NTRK1: variants seen among roughly 807,000 people sequenced by gnomAD.
NTRK1 encodes the protein neurotrophic receptor tyrosine kinase 1.
NTRK1 carries 62 observed loss-of-function variants against 86.8 expected under a neutral mutation model. The ratio of observed to expected loss-of-function variants is 0.71; its 90% CI spans 0.58 to 0.88. The LOEUF (loss-of-function observed/expected upper bound fraction) is 0.88, where lower values mean the gene tolerates loss of function less well. Ranked by LOEUF, NTRK1 falls within the 40% of genes least tolerant of loss-of-function variation. NTRK1 has a pLI of 0.00. For missense variants in NTRK1, 967 were observed against 1,078.4 expected (o/e 0.90, Z 1.45); for synonymous variants, 469 against 456.6 (o/e 1.03, Z -0.35).
At position 156,861,044 on chromosome 1, in the gene NTRK1, C is replaced by T. The variant is rs1655620386; in HGVS notation, c.110C>T (p.Pro37Leu). 1.3e-6 allele frequency: 2 copies of T among 1,554,982 alleles called. No individual in the cohort carries two copies. The highest frequency in any genetic ancestry group is 8.7e-7 in the Non-Finnish European group (1 of 1,155,158). ...GCATCTGCGGGCGCCGCACCCTGCC[C>T]CGATGCCTGCTGCCCCCACGGCTCC... ...ILASAGAAPC[P>L]DACCPHGSSG... Residue 37 changes from proline (P) to leucine (L), a missense_variant, in exon 1 of 17, where the codon CCC becomes CTC. By Grantham distance (98) the Pro-to-Leu change is moderately conservative (BLOSUM62 -3). Coordinates refer to ENST00000524377, the MANE Select transcript of NTRK1 (RefSeq NM_002529.4).
chr1:156,866,918 C>T lies in NTRK1; in HGVS notation c.368C>T (p.Ser123Phe). 6.2e-7 allele frequency: 1 copy of T among 1,614,238 alleles called. No homozygotes were observed. Among genetic ancestry groups the T allele is most frequent in the Non-Finnish European group, 8.5e-7 (1 of 1,180,042 alleles). ...TGTCTCCACGCCCGCAGGAATCTCT[C>T]CTTCAACGCTCTGGAGTCTCTCTCC... ...FTPRLSRLNL[S>F]FNALESLSWK... is the part of the protein sequence containing the mutation. Residue 123 changes from serine (S) to phenylalanine (F), a missense_variant, in exon 4 of 17, where the codon TCC becomes TTC. Ser to Phe is a radical substitution (Grantham distance 155, BLOSUM62 -2). Around this residue, in one of 2 missense-constraint regions of NTRK1, gnomAD observed 330 missense variants for 302.0 expected, o/e 1.09. Transcript: ENST00000524377.
At chr1:156,831,869 C>T (rs16837704) in intron 1 of NTRK1, among the ~76,000 whole-genome samples, 2,681 of 152,296 alleles carry the variant, frequency 0.018, 44 homozygotes, top group Admixed American at 0.046. Context: ...CCTCCTCCAT[C>T]GTGGCTGAGT....
At chr1:156,860,199 A>T (rs1655565530), upstream of NTRK1, among the ~76,000 whole-genome samples, 2 of 152,076 alleles carry the variant, frequency 1.3e-5, no homozygotes, top group Non-Finnish European at 2.9e-5. Context: ...GGGGCTGCAG[A>T]TCGCACCCCC....
chr1:156,845,852 G>A (rs1654982848), intron 2 of NTRK1: 1 of 1,584,988 alleles, frequency 6.3e-7, no homozygotes, highest in Non-Finnish European at 8.6e-7. Flanking sequence ...AAGACAGGCG[G>A]TCTACCCGCC....
Position 156,868,143 on chromosome 1 carries a change from G to C in NTRK1, c.468G>C (p.Leu156=), listed in dbSNP as rs991397214. ...ACCCTCTGCACTGTTCTTGTGCCCT[G>C]CGCTGGCTACAGCGCTGGGAGGAGG... ...SGNPLHCSCA[L]RWLQRWEEEG... The change falls in exon 5 of 17, where the codon CTG becomes CTC. Residue 156 remains leucine, a synonymous_variant. Coordinates refer to ENST00000524377, the MANE Select transcript of NTRK1 (RefSeq NM_002529.4). 4.3e-6 allele frequency: 7 copies of C among 1,613,828 alleles called. No homozygotes were observed. Among genetic ancestry groups the C allele is most frequent in the South Asian group, 1.1e-5 (1 of 91,090 alleles).
intron 1 of NTRK1, among the ~76,000 whole-genome samples, chr1:156,861,595 C>A (rs892814507): frequency 6.6e-6 from 1 of 152,180 alleles, no homozygotes; most frequent in Non-Finnish European, 1.5e-5. Flanking sequence ...GAGGAGGCAA[C>A]CCTAGCTTTT....
intron 1 of NTRK1, chr1:156,841,656 C>T (rs762117969): frequency 3.3e-5 from 54 of 1,613,118 alleles, no homozygotes; most frequent in East Asian, 3.3e-4. Context: ...TGCTCCAGCT[C>T]GGCCCCACCA....
rs542147641 is a variant in NTRK1 at position 156,853,043 on chromosome 1, G to A, written c.50+10850G>A. Among the ~76,000 whole-genome samples the A allele has an allele frequency of 6.6e-5, 10 of 152,180 alleles. No individual in the cohort carries two copies. In the South Asian group the frequency reaches 1.9e-3, roughly 28 times the overall value. On this transcript the variant is annotated intron_variant, in intron 2 of 16. Coordinates refer to the NTRK1 transcript ENST00000392302. ...TTCCTATAACGTTTTGCTTACTCCT[G>A]CACCAGCCATCCCTTTTCTTTCCTC...
chr1:156,821,876 G>A (rs1442767898), intron 1 of NTRK1, among the ~76,000 whole-genome samples: 2 of 152,172 alleles, frequency 1.3e-5, no homozygotes, highest in Non-Finnish European at 2.9e-5. Flanking sequence ...CGACATAGAG[G>A]TTTCATCCTC....
At chr1:156,815,765 G>T in exon 1 of NTRK1, 1 of 1,602,240 alleles carries the variant, frequency 6.2e-7, no homozygotes, top group Non-Finnish European at 8.6e-7. Context: ...CTGGTCATCT[G>T]CGGACTCAGC....
chr1:156,842,437 G>A (rs769482586), intron 2 of NTRK1: 2 of 1,613,984 alleles, frequency 1.2e-6, no homozygotes, highest in South Asian at 2.2e-5. Context: ...GGCTCTTGAG[G>A]TCCCCACGGG....
At chr1:156,877,514 G>A (rs1443862479) in intron 14 of NTRK1, among the ~76,000 whole-genome samples, 1 of 152,256 alleles carries the variant, frequency 6.6e-6, no homozygotes, top group African/African-American at 2.4e-5. Flanking sequence ...AGCCCCTGAT[G>A]TGATGGTCAC....
rs1201158508 is a variant in NTRK1 at position 156,855,184 on chromosome 1, C to CTATCTATCTATA, written c.51-9159_51-9158insATATCTATCTAT. 9.3e-5 allele frequency among the ~76,000 whole-genome samples: 14 copies of CTATCTATCTATA among 150,294 alleles called. No individual in the cohort carries two copies. The East Asian group carries it at 2.7e-3, about 29-fold the overall frequency. ...TCTCTGACCATCCAATTTTATCTAT[C>CTATCTATCTATA]TATCTATCTATCTATCTATCTATCT... is the stretch of plus-strand genomic sequence containing the variant. On this transcript the variant is annotated intron_variant, in intron 2 of 16. Coordinates refer to the NTRK1 transcript ENST00000392302.
chr1:156,838,805 T>C (rs1016126646), intron 1 of NTRK1, among the ~76,000 whole-genome samples: 1 of 152,240 alleles, frequency 6.6e-6, no homozygotes, highest in Non-Finnish European at 1.5e-5. Flanking sequence ...CTTAAGCTCT[T>C]CCACATCCAG....
At chr1:156,838,845 T>C (rs953954840) in intron 1 of NTRK1, among the ~76,000 whole-genome samples, 5 of 152,158 alleles carry the variant, frequency 3.3e-5, no homozygotes, top group Admixed American at 6.5e-5. Flanking sequence ...TTAGGGGGCA[T>C]AGGTAGTGGG....
At chr1:156,861,257 A>C in intron 1 of NTRK1, 111 bp downstream of exon 1, 1 of 1,293,884 alleles carries the variant, frequency 7.7e-7, no homozygotes. Context: ...GCACGGCGGA[A>C]GGCTGGCACC....
Position 156,874,529 on chromosome 1 carries a change from G to T in NTRK1, c.1196-42G>T, listed in dbSNP as rs376303462. 8 of 1,612,142 alleles carry T rather than the reference G, an allele frequency of 5.0e-6. No individual in the cohort carries two copies. The East Asian group carries it at 1.6e-4, about 31-fold the overall frequency. On this transcript the variant is annotated intron_variant, in intron 9 of 16. Coordinates refer to ENST00000524377, the MANE Select transcript of NTRK1 (RefSeq NM_002529.4). ...GGTTGGGGGGTTACTGGAGGCTACA[G>T]TGTGTGTCAAGGCTCACCCCTCCTG...
intron 2 of NTRK1, among the ~76,000 whole-genome samples, chr1:156,855,639 A>G (rs1186132678): frequency 1.3e-5 from 2 of 152,140 alleles, no homozygotes; most frequent in Non-Finnish European, 2.9e-5. Flanking sequence ...CCTGGGCAAC[A>G]TGGCAAAACC....
Position 156,879,235 on chromosome 1 carries a change from A to G in NTRK1, c.1919A>G (p.Tyr640Cys), listed in dbSNP as rs1648104540. Reference sequence around the variant, plus strand: ...AGCCAGGTCGCTGCGGGGATGGTGTACCTGGCGGGTCTGCATTTTGTGCAC... The same window carrying G: ...AGCCAGGTCGCTGCGGGGATGGTGTGCCTGGCGGGTCTGCATTTTGTGCAC... Reference protein sequence around the residue: ...VASQVAAGMVYLAGLHFVHRD... With the variant: ...VASQVAAGMVCLAGLHFVHRD... Residue 640 changes from tyrosine to cysteine, a missense_variant, in exon 15 of 17, where the codon TAC becomes TGC. By Grantham distance (194) the Tyr-to-Cys change is radical. Coordinates refer to ENST00000524377, the MANE Select transcript of NTRK1 (RefSeq NM_002529.4). 1.2e-5 allele frequency: 19 copies of G among 1,613,948 alleles called. No individual in the cohort carries two copies. Among genetic ancestry groups the G allele is most frequent in the Non-Finnish European group, 1.5e-5 (18 of 1,179,970 alleles).
Sources: allele counts gnomAD v4.1 joint callset (sites outside exome capture counted in the v4.1 genomes callset), GRCh38; gene constraint gnomAD v4.1.1; regional missense constraint gnomAD v4.1.1; transcripts MANE v1.5; gene names NCBI Gene and HGNC (gene_info 2026-07-23, HGNC 2026-07-21).